Variants in FBXL20 observed in about 807,000 individuals in gnomAD.
FBXL20 encodes F-box/LRR-repeat protein 20.
In FBXL20, 11 loss-of-function variants were observed where a neutral mutation model predicts 64.0. That is an observed-to-expected ratio of 0.17 (90% CI 0.11 to 0.28). FBXL20 has a LOEUF of 0.28. FBXL20 is among the 10% of genes least tolerant of loss of function. The pLI is 1.00. For missense variants in FBXL20, 303 were observed against 526.2 expected (o/e 0.58, Z 4.15); for synonymous variants, 184 against 189.0 (o/e 0.97, Z 0.22).
intron 1 of FBXL20, among the ~76,000 whole-genome samples, chr17:39,375,035 T>G (rs955192013): frequency 2.6e-5 from 4 of 152,158 alleles, no homozygotes; most frequent in Admixed American, 1.3e-4. Flanking sequence ...TCCACCTGCC[T>G]CGGCCTCCCA....
chr17:39,281,561 G>T (rs2046950892), intron 8 of FBXL20, 98 bp from the exon 9 acceptor site: 2 of 934,086 alleles, frequency 2.1e-6, no homozygotes, highest in Admixed American at 2.6e-5. Flanking sequence ...TTCTAATACA[G>T]CCAACCAAGT....
intron 2 of FBXL20, among the ~76,000 whole-genome samples, chr17:39,335,582 CAAAAAAAAA>C (rs36023380): frequency 1.3e-5 from 1 of 77,364 alleles, no homozygotes; most frequent in African/African-American, 4.8e-5. Context: ...GACTCCGTCT[CAAAAAAAAA>C]AAAAAAAAAA....
At chr17:39,297,276 A>AC in intron 5 of FBXL20, 81 bp from the exon 6 acceptor site, 1 of 769,314 alleles carries the variant, frequency 1.3e-6, no homozygotes, top group Non-Finnish European at 2.2e-6. Context: ...ATATATTATT[A>AC]TTGGTAATAT....
At chr17:39,315,651 C>T (rs911554540) in intron 2 of FBXL20, among the ~76,000 whole-genome samples, 1 of 151,714 alleles carries the variant, frequency 6.6e-6, no homozygotes, top group Non-Finnish European at 1.5e-5. Context: ...AATGGGCAGC[C>T]TTGGGTAGAG....
chr17:39,287,826 T>C (rs983451745), intron 6 of FBXL20, among the ~76,000 whole-genome samples: 1 of 152,134 alleles, frequency 6.6e-6, no homozygotes, highest in African/African-American at 2.4e-5. Context: ...CATTTTACAT[T>C]CCCGCCAGAA....
At chr17:39,388,252 T>C (rs888252977) in intron 1 of FBXL20, among the ~76,000 whole-genome samples, 6 of 151,878 alleles carry the variant, frequency 4.0e-5, no homozygotes, top group African/African-American at 1.5e-4. Flanking sequence ...AGCTCAGGAG[T>C]TTGAGACCAG....
intron 2 of FBXL20, among the ~76,000 whole-genome samples, chr17:39,319,187 T>G (rs2047325690): frequency 6.6e-6 from 1 of 151,590 alleles, no homozygotes; most frequent in Admixed American, 6.6e-5. Context: ...AGTAGGAGGT[T>G]GCAGCGAGTT....
At chr17:39,297,354 T>C (rs1597782906) in intron 5 of FBXL20, 159 bp from the exon 6 acceptor site, 1 of 443,516 alleles carries the variant, frequency 2.3e-6, no homozygotes, top group Non-Finnish European at 4.0e-6. Flanking sequence ...TCTTCGGTTC[T>C]TGGCATACCA....
chr17:39,299,500 G>A (rs985495007), intron 4 of FBXL20, among the ~76,000 whole-genome samples: 3 of 152,064 alleles, frequency 2.0e-5, no homozygotes, highest in African/African-American at 4.8e-5. Flanking sequence ...GCTGGTCAGG[G>A]GCCAGGCACG....
chr17:39,396,343 C>G (rs774925669), intron 1 of FBXL20, among the ~76,000 whole-genome samples: 1 of 152,060 alleles, frequency 6.6e-6, no homozygotes, highest in Non-Finnish European at 1.5e-5. Flanking sequence ...CATCTGTAAT[C>G]CCAGCACTTC....
chr17:39,388,878 G>C (rs1419564952), intron 1 of FBXL20, among the ~76,000 whole-genome samples: 1 of 149,662 alleles, frequency 6.7e-6, no homozygotes, highest in Non-Finnish European at 1.5e-5. Flanking sequence ...GAGGTGGGTG[G>C]AGTACCTGAG....
chr17:39,284,585 T>A (rs2046973502), intron 7 of FBXL20, among the ~76,000 whole-genome samples: 1 of 152,038 alleles, frequency 6.6e-6, no homozygotes. Context: ...GGTTTCCCTA[T>A]GTTGCGCAGG....
chr17:39,361,409 G>T (rs905952363), intron 1 of FBXL20, among the ~76,000 whole-genome samples: 8 of 152,170 alleles, frequency 5.3e-5, no homozygotes, highest in African/African-American at 1.7e-4. Flanking sequence ...AGTTTGCAAA[G>T]AACTGAGAAT....
chr17:39,402,298 C>T (rs2048256694), upstream of FBXL20: 1 of 913,744 alleles, frequency 1.1e-6, no homozygotes, highest in Non-Finnish European at 1.4e-6. Context: ...CCGCCGCCGC[C>T]TCCCCCGCCT....
intron 3 of FBXL20, 138 bp from the exon 4 acceptor site, chr17:39,301,213 A>G (rs2047131496): frequency 1.5e-6 from 1 of 678,284 alleles, no homozygotes. Flanking sequence ...ACTTACTCCC[A>G]AATGATGTGT....
chr17:39,330,139 A>C (rs1191536826), intron 2 of FBXL20, among the ~76,000 whole-genome samples: 1 of 151,608 alleles, frequency 6.6e-6, no homozygotes, highest in Non-Finnish European at 1.5e-5. Flanking sequence ...CAAAAATACA[A>C]AACAAATATT....
rs189584885 is a variant in FBXL20, at chr17:39,289,771, G to C, written c.399-4198C>G. Reference sequence around the variant, plus strand: ...GCACTTTGGGAGGCCGAGGCAGGCAGATCAGTTGAGGCCAGTAGTTCAAGA... The same window carrying C: ...GCACTTTGGGAGGCCGAGGCAGGCACATCAGTTGAGGCCAGTAGTTCAAGA... On this transcript the variant is annotated intron_variant, in intron 6 of 14. Transcript: ENST00000264658. Among the ~76,000 whole-genome samples, 319 of 152,114 alleles carry C rather than the reference G, an allele frequency of 2.1e-3. 2 individuals carry two copies. Among genetic ancestry groups the C allele is most frequent in the African/African-American group, 7.4e-3 (307 of 41,502 alleles).
upstream of FBXL20, chr17:39,402,109 C>G (rs2048254066): frequency 8.2e-7 from 1 of 1,218,564 alleles, no homozygotes; most frequent in African/African-American, 1.6e-5. Flanking sequence ...TCACTTGTTC[C>G]CCAGGATCCT....
chr17:39,353,699 T>C (rs2047710047), intron 1 of FBXL20, among the ~76,000 whole-genome samples: 1 of 152,036 alleles, frequency 6.6e-6, no homozygotes, highest in South Asian at 2.1e-4. Context: ...CTTGGCTCAC[T>C]GCAACCTCCA....
Sources: allele counts gnomAD v4.1 joint callset (sites outside exome capture counted in the v4.1 genomes callset), GRCh38; gene constraint gnomAD v4.1.1; transcripts MANE v1.5; gene names NCBI Gene and HGNC (gene_info 2026-07-23, HGNC 2026-07-21).